The following CHODL variants were observed in gnomAD, a reference collection of about 807,000 sequenced individuals.
CHODL encodes the protein transmembrane protein MT75.
In CHODL, 29 loss-of-function variants were observed where a neutral mutation model predicts 34.5. The observed-to-expected ratio is 0.84, with a 90% CI of 0.63 to 1.15. CHODL has a LOEUF of 1.15. CHODL is among the 50% of genes most tolerant of loss of function. The pLI, the probability that CHODL is intolerant of heterozygous loss-of-function variation, is 0.00. For synonymous variants in CHODL, 125 were observed against 116.1 expected, an observed-to-expected ratio of 1.08 and a Z score of -0.49; for missense variants, 332 against 332.5, an observed-to-expected ratio of 1.00 and a Z score of 0.01.
At chr21:18,227,141 G>A (rs961759125) in intron 2 of CHODL, among the ~76,000 whole-genome samples, 1 of 152,020 alleles carries the variant, frequency 6.6e-6, no homozygotes, top group African/African-American at 2.4e-5. Flanking sequence ...GGCTTGTTTT[G>A]TAAGGACATT....
chr21:17,944,635 T>C (rs915915359), intron 1 of CHODL, among the ~76,000 whole-genome samples: 7 of 151,950 alleles, frequency 4.6e-5, no homozygotes, highest in African/African-American at 1.7e-4. Flanking sequence ...AAGCAGGGGG[T>C]ATATCTTGTG....
At chr21:18,192,101 G>A (rs779806793) in intron 2 of CHODL, among the ~76,000 whole-genome samples, 7 of 152,114 alleles carry the variant, frequency 4.6e-5, no homozygotes, top group Non-Finnish European at 1.0e-4. Context: ...ACATAACATT[G>A]AATACCCCTG....
intron 1 of CHODL, among the ~76,000 whole-genome samples, chr21:17,975,656 C>T (rs1002208211): frequency 1.3e-5 from 2 of 152,076 alleles, no homozygotes; most frequent in Non-Finnish European, 2.9e-5. Flanking sequence ...AGTATTCTGC[C>T]AGAAGTATTC....
chr21:18,089,542 T>C lies in CHODL; in HGVS notation c.-45+61571T>C, dbSNP rs868358265. Among the ~76,000 whole-genome samples, 112 of 152,358 alleles carry C rather than the reference T, an allele frequency of 7.4e-4. 1 individual carries two copies. The highest frequency in any genetic ancestry group is 2.4e-3 in the African/African-American group (100 of 41,606). On this transcript the variant is annotated intron_variant, in intron 2 of 6. Coordinates refer to the CHODL transcript ENST00000400127. ...GCATGTGAAATATGAAAACACCATA[T>C]AGAATTACACAGTATATTCTGTTTT... is the stretch of plus-strand genomic sequence containing the variant.
At chr21:18,230,913 G>A (rs1459359749) in intron 2 of CHODL, among the ~76,000 whole-genome samples, 1 of 152,020 alleles carries the variant, frequency 6.6e-6, no homozygotes, top group Non-Finnish European at 1.5e-5. Context: ...AAATACAAAT[G>A]CTTTTCTATT....
At chr21:18,125,684 C>T (rs1393336076) in intron 2 of CHODL, among the ~76,000 whole-genome samples, 1 of 152,026 alleles carries the variant, frequency 6.6e-6, no homozygotes, top group Non-Finnish European at 1.5e-5. Context: ...CAACCTCCGC[C>T]TCACGGGTTC....
chr21:18,164,043 A>G (rs1054564171), intron 2 of CHODL, among the ~76,000 whole-genome samples: 3 of 152,210 alleles, frequency 2.0e-5, no homozygotes, highest in African/African-American at 7.2e-5. Flanking sequence ...AATGCATTAA[A>G]CTTTTATATT....
chr21:17,943,002 T>C (rs1442152646), intron 1 of CHODL, among the ~76,000 whole-genome samples: 1 of 152,234 alleles, frequency 6.6e-6, no homozygotes, highest in Non-Finnish European at 1.5e-5. Flanking sequence ...TCTTCACTTT[T>C]TGCCACGATT....
intron 5 of CHODL, 148 bp from the exon 6 acceptor site, chr21:18,265,805 TC>T: frequency 3.5e-6 from 2 of 574,132 alleles, no homozygotes; most frequent in Non-Finnish European, 6.0e-6. Context: ...ATTTGAATAA[TC>T]TAGAAGTTTT....
intron 2 of CHODL, among the ~76,000 whole-genome samples, chr21:18,174,152 T>TATATATATATATATATATATATAA (rs1568923201): frequency 7.9e-6 from 1 of 125,838 alleles, no homozygotes; most frequent in African/African-American, 3.0e-5. Context: ...TATATATATA[T>TATATATATATATATATATATATAA]ATATATATAA....
At chr21:18,016,981 G>C (rs1026467231) in intron 1 of CHODL, among the ~76,000 whole-genome samples, 2 of 152,218 alleles carry the variant, frequency 1.3e-5, no homozygotes, top group African/African-American at 4.8e-5. Context: ...TTTGGAAGAG[G>C]AGCATTTACT....
intron 2 of CHODL, among the ~76,000 whole-genome samples, chr21:18,238,663 T>G (rs2074052646): frequency 6.6e-6 from 1 of 152,050 alleles, no homozygotes; most frequent in African/African-American, 2.4e-5. Flanking sequence ...GATTGTGAGG[T>G]CTAGCTTTAT....
At chr21:17,977,178 A>C (rs1267273603) in intron 1 of CHODL, among the ~76,000 whole-genome samples, 1 of 152,160 alleles carries the variant, frequency 6.6e-6, no homozygotes, top group Non-Finnish European at 1.5e-5. Context: ...ATAGATGAGG[A>C]AATTAATGCC....
At chr21:18,047,482 C>T (rs907829016) in intron 2 of CHODL, among the ~76,000 whole-genome samples, 3 of 151,966 alleles carry the variant, frequency 2.0e-5, no homozygotes, top group Non-Finnish European at 4.4e-5. Flanking sequence ...CTTTTTATGG[C>T]TTGTAACTGT....
chr21:18,057,899 G>A (rs1281896963), intron 2 of CHODL, among the ~76,000 whole-genome samples: 1 of 151,888 alleles, frequency 6.6e-6, no homozygotes, highest in African/African-American at 2.4e-5. Flanking sequence ...TTTGATATAT[G>A]TATATAGTTA....
At chr21:18,109,249 G>A (rs1018639067) in intron 2 of CHODL, among the ~76,000 whole-genome samples, 1 of 152,188 alleles carries the variant, frequency 6.6e-6, no homozygotes, top group Non-Finnish European at 1.5e-5. Context: ...AAAAGTTATG[G>A]TAGAGGGTAG....
chr21:18,004,198 G>A (rs990510472), intron 1 of CHODL, among the ~76,000 whole-genome samples: 9 of 152,138 alleles, frequency 5.9e-5, no homozygotes, highest in African/African-American at 2.2e-4. Flanking sequence ...ATTAGTTTGA[G>A]GAGACCTGTA....
rs1292390707 is a variant in CHODL at position 18,245,264 on chromosome 21, T to C, written c.41T>C (p.Leu14Pro). 1 of 1,525,082 alleles carries C rather than the reference T, an allele frequency of 6.6e-7. No individual in the cohort carries two copies. Among genetic ancestry groups the C allele is most frequent in the Non-Finnish European group, 8.8e-7 (1 of 1,142,842 alleles). The allele number at this position is 1,525,082 out of a possible 1,614,324, so 94.5% of individuals were successfully genotyped here. ...TCGCTGCTGCTGGGCGCCGCGCTGC[T>C]CTGCGGCCACGGAGCCTTCTGCCGC... Reference protein sequence around the residue: ...VVSLLLGAALLCGHGAFCRRV... With the variant: ...VVSLLLGAALPCGHGAFCRRV... The change falls in exon 1 of 6, where the codon CTC (leucine) becomes CCC (proline). Residue 14 changes from leucine (L) to proline (P), a missense_variant. Leu to Pro is a moderately conservative substitution (Grantham distance 98). Coordinates refer to ENST00000299295, the MANE Select transcript of CHODL (RefSeq NM_024944.3).
chr21:18,045,727 A>G (rs1216475860), intron 2 of CHODL, among the ~76,000 whole-genome samples: 1 of 151,894 alleles, frequency 6.6e-6, no homozygotes, highest in Non-Finnish European at 1.5e-5. Flanking sequence ...GACCTTTGGG[A>G]GGTAATTAGG....
Sources: allele counts gnomAD v4.1 joint callset (sites outside exome capture counted in the v4.1 genomes callset), GRCh38; gene constraint gnomAD v4.1.1; transcripts MANE v1.5; gene names NCBI Gene and HGNC (gene_info 2026-07-23, HGNC 2026-07-21).